The following NDST3 variants were observed in gnomAD, a reference collection of about 807,000 sequenced individuals.
The protein encoded by NDST3 is N-deacetylase and N-sulfotransferase 3, also known as bifunctional heparan sulfate N-deacetylase/N-sulfotransferase 3.
A neutral mutation model predicts 96.1 loss-of-function variants in NDST3; 58 were observed. That is an observed-to-expected ratio of 0.60 (90% CI 0.49 to 0.75). NDST3 has a LOEUF of 0.75. Among genes scored for constraint, NDST3 ranks in the 30% least tolerant of loss-of-function variants. The probability of loss-of-function intolerance (pLI) is 0.00; values close to 1 mark genes in which losing one functional copy is unlikely to be tolerated. For missense variants in NDST3, 788 were observed against 1,034.2 expected (o/e 0.76, Z 3.27); for synonymous variants, 333 against 359.7 (o/e 0.93, Z 0.84).
chr4:118,210,532 C>T (rs1738718569), intron 6 of NDST3, among the ~76,000 whole-genome samples: 1 of 152,098 alleles, frequency 6.6e-6, no homozygotes, highest in African/African-American at 2.4e-5. Flanking sequence ...AATCTCAGCA[C>T]TTTGGGAGGC....
chr4:118,182,418 AG>A (rs1410272034), intron 6 of NDST3, among the ~76,000 whole-genome samples: 1 of 152,190 alleles, frequency 6.6e-6, no homozygotes, highest in Non-Finnish European at 1.5e-5. Context: ...CCATTGCCAC[AG>A]GTAGTAATGA....
intron 2 of NDST3, among the ~76,000 whole-genome samples, chr4:118,058,879 G>C (rs371068785): frequency 6.6e-6 from 1 of 152,096 alleles, no homozygotes; most frequent in Admixed American, 6.6e-5. Flanking sequence ...TCTTTTAGGC[G>C]CATTAACTCA....
chr4:118,119,369 G>C (rs965754221), intron 4 of NDST3, among the ~76,000 whole-genome samples: 2 of 152,194 alleles, frequency 1.3e-5, no homozygotes, highest in Non-Finnish European at 2.9e-5. Context: ...TTGCCAGCTA[G>C]AGAATGAATG....
At chr4:118,158,631 G>T (rs182125781) in intron 6 of NDST3, among the ~76,000 whole-genome samples, 5 of 152,112 alleles carry the variant, frequency 3.3e-5, no homozygotes, top group African/African-American at 1.2e-4. Flanking sequence ...CAGCCTTAAG[G>T]TTTAATTCCA....
chr4:118,076,835 A>C (rs1237980707), intron 2 of NDST3, among the ~76,000 whole-genome samples: 1 of 152,158 alleles, frequency 6.6e-6, no homozygotes, highest in Admixed American at 6.5e-5. Context: ...ATTTCCGGAA[A>C]ACTACTTCAG....
intron 13 of NDST3, among the ~76,000 whole-genome samples, chr4:118,255,198 A>G (rs979498143): frequency 2.0e-5 from 3 of 152,188 alleles, no homozygotes; most frequent in African/African-American, 7.2e-5. Context: ...AGATAAGAAA[A>G]ACACAACTTT....
At position 118,253,498 on chromosome 4, in the gene NDST3, G is replaced by C; in HGVS notation, c.2400-1G>C. On this transcript the variant is annotated splice_acceptor_variant, in intron 12 of 13. Transcript: ENST00000296499. LOFTEE classifies it high-confidence loss of function. ...TCTGTGTGTATTCTTTTTTTTTTTA[G>C]GTTTGATTCTCATAAAGGTTTCTGG... 1 of 1,580,570 alleles carries C rather than the reference G, an allele frequency of 6.3e-7. No homozygotes were observed. Among genetic ancestry groups the C allele is most frequent in the Non-Finnish European group, 8.6e-7 (1 of 1,161,832 alleles).
intron 12 of NDST3, among the ~76,000 whole-genome samples, chr4:118,247,200 G>A (rs1212835604): frequency 5.6e-5 from 2 of 35,790 alleles, no homozygotes; most frequent in Admixed American, 9.3e-4. Flanking sequence ...ACACACCAGG[G>A]GGGTTTAAAA....
At chr4:118,179,939 G>T (rs1736502110) in intron 6 of NDST3, among the ~76,000 whole-genome samples, 1 of 151,994 alleles carries the variant, frequency 6.6e-6, no homozygotes, top group African/African-American at 2.4e-5. Flanking sequence ...TTTACTACAA[G>T]GAAGGCTCTT....
intron 6 of NDST3, among the ~76,000 whole-genome samples, chr4:118,215,546 G>A (rs1225485949): frequency 2.0e-5 from 3 of 152,106 alleles, no homozygotes; most frequent in African/African-American, 7.2e-5. Flanking sequence ...GGGTAGGACA[G>A]TGGCTAGAAA....
chr4:118,109,882 T>C (rs1730504263), intron 3 of NDST3, among the ~76,000 whole-genome samples: 2 of 152,186 alleles, frequency 1.3e-5, no homozygotes. Flanking sequence ...CTTTATCTTG[T>C]TTGATTTATT....
At chr4:118,177,872 G>A (rs781469847) in intron 6 of NDST3, among the ~76,000 whole-genome samples, 34 of 152,002 alleles carry the variant, frequency 2.2e-4, no homozygotes, top group Non-Finnish European at 2.1e-4. Context: ...AGTGGAGAAG[G>A]CAACAATCTG....
chr4:118,119,067 T>C (rs1731340410), intron 4 of NDST3, among the ~76,000 whole-genome samples: 1 of 152,170 alleles, frequency 6.6e-6, no homozygotes. Context: ...AAAGTAGTAG[T>C]AGTAGAACAA....
At chr4:118,042,022 T>G (rs1724500069) in intron 1 of NDST3, among the ~76,000 whole-genome samples, 1 of 152,204 alleles carries the variant, frequency 6.6e-6, no homozygotes, top group Non-Finnish European at 1.5e-5. Context: ...TGGGTTTTTG[T>G]AGCACATTCA....
At chr4:118,202,727 G>C (rs1449398214) in intron 6 of NDST3, among the ~76,000 whole-genome samples, 1 of 152,142 alleles carries the variant, frequency 6.6e-6, no homozygotes, top group Non-Finnish European at 1.5e-5. Flanking sequence ...AAAGTCTTTA[G>C]GATTTTCTAG....
intron 6 of NDST3, among the ~76,000 whole-genome samples, chr4:118,160,364 C>T (rs1735012123): frequency 6.6e-6 from 1 of 151,574 alleles, no homozygotes; most frequent in African/African-American, 2.4e-5. Flanking sequence ...AAACTGTCAA[C>T]AGAGTAAATA....
chr4:118,230,442 G>A (rs1271432346), intron 8 of NDST3, among the ~76,000 whole-genome samples: 1 of 152,138 alleles, frequency 6.6e-6, no homozygotes, highest in Non-Finnish European at 1.5e-5. Context: ...GGGTGCGGTG[G>A]CGGGCGCCTG....
At chr4:118,145,378 A>G (rs1366311627) in intron 6 of NDST3, among the ~76,000 whole-genome samples, 2 of 152,360 alleles carry the variant, frequency 1.3e-5, no homozygotes, top group South Asian at 2.1e-4. Context: ...TTAACAAATA[A>G]TCATGAACTT....
At chr4:118,069,597 G>T (rs1244053406) in intron 2 of NDST3, among the ~76,000 whole-genome samples, 1 of 151,970 alleles carries the variant, frequency 6.6e-6, no homozygotes, top group East Asian at 1.9e-4. Flanking sequence ...AAAGCAAAAA[G>T]CAATTCTCTC....
Sources: allele counts gnomAD v4.1 joint callset (sites outside exome capture counted in the v4.1 genomes callset), GRCh38; gene constraint gnomAD v4.1.1; transcripts MANE v1.5; gene names NCBI Gene and HGNC (gene_info 2026-07-23, HGNC 2026-07-21).